Variants in TLK1 observed in about 807,000 individuals in gnomAD.
TLK1 encodes the protein tousled like kinase 1.
Under a neutral mutation model 105.3 loss-of-function variants are expected in TLK1, and 24 were observed. The ratio of observed to expected loss-of-function variants is 0.23; its 90% CI spans 0.17 to 0.32. The LOEUF (loss-of-function observed/expected upper bound fraction) is 0.32, where lower values mean the gene tolerates loss of function less well. Among genes scored for constraint, TLK1 ranks in the 10% least tolerant of loss-of-function variants. TLK1 has a pLI of 1.00. For synonymous variants in TLK1, 321 were observed against 310.4 expected (o/e 1.03, Z -0.36); for missense variants, 558 against 910.5 (o/e 0.61, Z 4.98).
At chr2:171,092,671 TG>T (rs1315658892) in intron 2 of TLK1, among the ~76,000 whole-genome samples, 1 of 152,200 alleles carries the variant, frequency 6.6e-6, no homozygotes, top group Non-Finnish European at 1.5e-5. Flanking sequence ...ATGATGAATA[TG>T]TCCACCTGGA....
At chr2:171,059,791 AG>A in intron 4 of TLK1, 2 of 663,280 alleles carry the variant, frequency 3.0e-6, no homozygotes, top group Non-Finnish European at 5.5e-6. Flanking sequence ...GATTCTCATA[AG>A]GGAGTGCATA....
intron 14 of TLK1, among the ~76,000 whole-genome samples, chr2:171,009,957 C>T (rs1196165394): frequency 6.6e-6 from 1 of 152,118 alleles, no homozygotes; most frequent in Non-Finnish European, 1.5e-5. Context: ...GAGCATATAA[C>T]CCTTCACTAG....
intron 1 of TLK1, among the ~76,000 whole-genome samples, chr2:171,223,798 ATTT>A (rs1273261078): frequency 3.1e-5 from 4 of 127,194 alleles, no homozygotes; most frequent in Admixed American, 7.8e-5. Context: ...TTTAAAATCA[ATTT>A]TTTTTTTTTT....
intron 2 of TLK1, among the ~76,000 whole-genome samples, chr2:171,088,834 AC>A (rs1689096149): frequency 6.6e-6 from 1 of 152,224 alleles, no homozygotes; most frequent in Admixed American, 6.5e-5. Context: ...TCAAGAAGCA[AC>A]CAGAGAATCT....
intron 2 of TLK1, among the ~76,000 whole-genome samples, chr2:171,087,471 G>A (rs945027147): frequency 6.6e-6 from 1 of 152,090 alleles, no homozygotes; most frequent in African/African-American, 2.4e-5. Flanking sequence ...GAAAAATAGT[G>A]TCTGTTGGAC....
rs1014739057 is a variant in TLK1 at position 171,068,967 on chromosome 2, C to T, written c.331-7811G>A. 2.6e-5 allele frequency among the ~76,000 whole-genome samples: 4 copies of T among 152,238 alleles called. No homozygotes were observed. The East Asian group carries it at 7.7e-4, about 29-fold the overall frequency. ...ATTTTTTAAACTAAAGAATAAAATTCTGAAACAAAATTTGTCAGTAATGTC... is the reference window on the plus strand; with the variant it reads ...ATTTTTTAAACTAAAGAATAAAATTTTGAAACAAAATTTGTCAGTAATGTC... On this transcript the variant is annotated intron_variant, in intron 3 of 20. Transcript: ENST00000431350.
At chr2:171,115,078 G>C (rs1442048767) in intron 2 of TLK1, among the ~76,000 whole-genome samples, 1 of 151,430 alleles carries the variant, frequency 6.6e-6, no homozygotes. Context: ...TGGTGCAATA[G>C]TAAAATAAAT....
At chr2:171,003,420 G>A (rs755365312) in intron 18 of TLK1, among the ~76,000 whole-genome samples, 1 of 151,752 alleles carries the variant, frequency 6.6e-6, no homozygotes, top group Non-Finnish European at 1.5e-5. Context: ...GGCAACTGCA[G>A]CTGCAGACCT....
intron 12 of TLK1, among the ~76,000 whole-genome samples, chr2:171,021,433 C>CT (rs531522490): frequency 1.9e-4 from 22 of 116,836 alleles, no homozygotes; most frequent in African/African-American, 7.0e-4. Flanking sequence ...CCCGCCCCGA[C>CT]TTTTTTTTTT....
rs1000610620 is a variant in TLK1, at chr2:170,990,890, A to C, written c.*2890T>G. 1.3e-5 allele frequency: 2 copies of C among 152,178 alleles called. No homozygotes were observed. Among genetic ancestry groups the C allele is most frequent in the Admixed American group, 6.5e-5 (1 of 15,276 alleles). The allele number at this position is 152,178 out of a possible 1,614,324, so 9.4% of individuals were successfully genotyped here. A position where few individuals can be genotyped will look rare whatever the true frequency, so the allele number is the denominator to read the frequency against. ...AAAACAACACACAATATACTCTTTA[A>C]ATGTTTCACTGAAGCTCTTCACCAT... On this transcript the variant is annotated 3_prime_UTR_variant, in exon 21 of 21. Transcript: ENST00000431350.
At chr2:171,057,239 G>A (rs1466318779) in intron 5 of TLK1, among the ~76,000 whole-genome samples, 1 of 151,990 alleles carries the variant, frequency 6.6e-6, no homozygotes, top group Non-Finnish European at 1.5e-5. Flanking sequence ...TCCTCTGGGG[G>A]TGTAGATTAT....
chr2:171,049,921 C>G lies in TLK1; in HGVS notation c.873G>C (p.Glu291Asp). 1.2e-6 allele frequency: 2 copies of G among 1,613,616 alleles called. No homozygotes were observed. The highest frequency in any genetic ancestry group is 1.1e-5 in the South Asian group (1 of 91,050). ...KSTQEKLSSR[E>D]KSMQDRLRLG... ...GGCGTAATCGATCTTGCATACTCTTCTCTCTGCTTGACAGCTTTTCTTGTG... is the reference window on the plus strand; with the variant it reads ...GGCGTAATCGATCTTGCATACTCTTGTCTCTGCTTGACAGCTTTTCTTGTG... Residue 291 changes from glutamate (E) to aspartate (D), a missense_variant, in exon 10 of 21, where the codon GAG becomes GAC. Transcript: ENST00000431350.
chr2:171,107,503 T>C (rs188057966), intron 2 of TLK1, among the ~76,000 whole-genome samples: 1 of 152,288 alleles, frequency 6.6e-6, no homozygotes, highest in African/African-American at 2.4e-5. Context: ...TAAGAGACTA[T>C]TATGTATTAT....
intron 20 of TLK1, among the ~76,000 whole-genome samples, chr2:170,996,087 T>C (rs1031397707): frequency 2.0e-5 from 3 of 151,858 alleles, no homozygotes; most frequent in African/African-American, 7.3e-5. Flanking sequence ...AGCCTTGACC[T>C]CCCTGAGCTC....
chr2:171,173,696 A>G (rs899135599), intron 1 of TLK1, among the ~76,000 whole-genome samples: 1 of 151,988 alleles, frequency 6.6e-6, no homozygotes, highest in Non-Finnish European at 1.5e-5. Flanking sequence ...TGGCCCAATG[A>G]TGACTCTTTA....
At chr2:171,106,019 T>G (rs1689908409) in intron 2 of TLK1, among the ~76,000 whole-genome samples, 1 of 152,236 alleles carries the variant, frequency 6.6e-6, no homozygotes, top group African/African-American at 2.4e-5. Flanking sequence ...GGAATACTAT[T>G]TCACCATTAA....
At chr2:171,029,457 C>T (rs1685935584) in intron 11 of TLK1, among the ~76,000 whole-genome samples, 1 of 152,022 alleles carries the variant, frequency 6.6e-6, no homozygotes, top group Non-Finnish European at 1.5e-5. Flanking sequence ...TAGCAAAACC[C>T]CGTCTCAATC....
intron 1 of TLK1, among the ~76,000 whole-genome samples, chr2:171,219,581 C>T (rs1036396826): frequency 2.6e-5 from 4 of 151,130 alleles, no homozygotes; most frequent in African/African-American, 9.7e-5. Flanking sequence ...GTCAAGAGAG[C>T]TTTCTGGGGT....
At chr2:171,052,126 G>A (rs898719161) in intron 8 of TLK1, among the ~76,000 whole-genome samples, 10 of 152,078 alleles carry the variant, frequency 6.6e-5, no homozygotes, top group African/African-American at 2.4e-4. Context: ...CCGGAGTGAT[G>A]GCATGAGCCT....
Sources: allele counts gnomAD v4.1 joint callset (sites outside exome capture counted in the v4.1 genomes callset), GRCh38; gene constraint gnomAD v4.1.1; transcripts MANE v1.5; gene names NCBI Gene and HGNC (gene_info 2026-07-23, HGNC 2026-07-21).